BANK1: variants seen among roughly 807,000 people sequenced by gnomAD.
The protein encoded by BANK1 is B-cell scaffold protein with ankyrin repeats.
BANK1 carries 95 observed loss-of-function variants against 94.5 expected under a neutral mutation model. That is an observed-to-expected ratio of 1.00 (90% CI 0.85 to 1.19). The LOEUF is 1.19. BANK1 is among the 50% of genes most tolerant of loss of function. BANK1 has a pLI of 0.00. For missense variants in BANK1, 987 were observed against 932.2 expected, an observed-to-expected ratio of 1.06 and a Z score of -0.77; for synonymous variants, 334 against 308.4, an observed-to-expected ratio of 1.08 and a Z score of -0.87.
At chr4:101,944,037 T>TGAGAGA (rs1343414585) in intron 7 of BANK1, among the ~76,000 whole-genome samples, 6 of 148,058 alleles carry the variant, frequency 4.1e-5, no homozygotes, top group African/African-American at 1.5e-4. Context: ...TGTGTGTGTG[T>TGAGAGA]GTGAGAGAGA....
chr4:101,808,457 G>C (rs1725633672), intron 1 of BANK1, among the ~76,000 whole-genome samples: 2 of 152,096 alleles, frequency 1.3e-5, no homozygotes, highest in Non-Finnish European at 2.9e-5. Context: ...TGAACAGGAA[G>C]CAAAATATCT....
intron 8 of BANK1, 43 bp downstream of exon 8, chr4:102,021,635 A>C (rs772050963): frequency 2.6e-6 from 2 of 759,786 alleles, no homozygotes; most frequent in Non-Finnish European, 3.8e-6. Context: ...ATATTCATAT[A>C]TATATCACAT....
At chr4:101,987,553 A>G (rs1420809577) in intron 7 of BANK1, among the ~76,000 whole-genome samples, 1 of 152,156 alleles carries the variant, frequency 6.6e-6, no homozygotes, top group Non-Finnish European at 1.5e-5. Context: ...AATTAAGCTT[A>G]TCTCATTGGG....
intron 7 of BANK1, among the ~76,000 whole-genome samples, chr4:101,925,612 G>C (rs1327660080): frequency 6.6e-6 from 1 of 151,696 alleles, no homozygotes; most frequent in Non-Finnish European, 1.5e-5. Flanking sequence ...TAGGTAATTT[G>C]TTATCTTTTA....
chr4:101,838,211 G>GT (rs1560595185), intron 2 of BANK1, among the ~76,000 whole-genome samples: 2 of 152,016 alleles, frequency 1.3e-5, no homozygotes, highest in Non-Finnish European at 2.9e-5. Context: ...CACCCACCTC[G>GT]GCCTTCCAAA....
chr4:101,933,148 T>A (rs1723414125), intron 7 of BANK1, among the ~76,000 whole-genome samples: 1 of 151,366 alleles, frequency 6.6e-6, no homozygotes, highest in Admixed American at 6.6e-5. Flanking sequence ...ACTTAGCAAA[T>A]GGCTATTTTG....
chr4:101,853,979 A>G (rs556915517), intron 2 of BANK1, among the ~76,000 whole-genome samples: 177 of 152,242 alleles, frequency 1.2e-3, no homozygotes, highest in Non-Finnish European at 1.0e-3. Flanking sequence ...CTCTTGGTTC[A>G]TCATGGTGAC....
Position 102,071,279 on chromosome 4 carries a change from ACT to A in BANK1, c.2219_2220del (p.Leu740HisfsTer9). ...RPEEENVYNK[L>X]TIVHHPGGKE... ...ATGCTTTTTTTTGTCTTCCAGATAA[ACT>A]CACCATTGTGCACCATCCAGGTGGT... On this transcript the variant is annotated frameshift_variant, in exon 14 of 17. Transcript: ENST00000322953. LOFTEE classifies it high-confidence loss of function. The A allele has an allele frequency of 6.2e-7, 1 of 1,613,896 alleles. No homozygotes were observed. The highest frequency in any genetic ancestry group is 8.5e-7 in the Non-Finnish European group (1 of 1,179,868).
At chr4:101,852,557 T>C (rs1021157304) in intron 2 of BANK1, among the ~76,000 whole-genome samples, 3 of 147,340 alleles carry the variant, frequency 2.0e-5, no homozygotes, top group Non-Finnish European at 3.0e-5. Context: ...CTTTAATTCC[T>C]ACCACATAGC....
chr4:101,967,145 G>A (rs544768974), intron 7 of BANK1, among the ~76,000 whole-genome samples: 11 of 152,160 alleles, frequency 7.2e-5, no homozygotes, highest in Admixed American at 4.6e-4. Context: ...CAAAGGGGTC[G>A]CAGTTAAATG....
intron 7 of BANK1, among the ~76,000 whole-genome samples, chr4:101,955,825 C>G (rs1419192479): frequency 1.3e-5 from 2 of 152,108 alleles, no homozygotes; most frequent in Non-Finnish European, 2.9e-5. Context: ...CAAGTTCCAT[C>G]AATTAGCCAT....
At chr4:101,971,416 A>G (rs1435407150) in intron 7 of BANK1, among the ~76,000 whole-genome samples, 1 of 152,152 alleles carries the variant, frequency 6.6e-6, no homozygotes, top group Non-Finnish European at 1.5e-5. Flanking sequence ...AATAAGATGA[A>G]CATAGCTAGT....
chr4:101,909,558 A>C (rs555776464), intron 6 of BANK1, among the ~76,000 whole-genome samples: 26 of 152,148 alleles, frequency 1.7e-4, no homozygotes, highest in Non-Finnish European at 3.5e-4. Flanking sequence ...ACACACAAAA[A>C]AATGCCTTTA....
intron 7 of BANK1, among the ~76,000 whole-genome samples, chr4:101,955,914 G>T (rs930950703): frequency 1.3e-5 from 2 of 152,072 alleles, no homozygotes; most frequent in African/African-American, 2.4e-5. Flanking sequence ...ATATCTTGTT[G>T]TGGAGGTTAA....
In BANK1 at chr4:101,998,902, T is replaced by C. The variant is rs577274238; in HGVS notation, c.1207-22612T>C. On this transcript the variant is annotated intron_variant, in intron 7 of 16. Transcript: ENST00000322953. The stretch of plus-strand genomic sequence containing the variant: ...TCTCTGTTTCCTGGGTCCCATGTCC[T>C]ACTGCCTCCTAGTTTACTTTTGTAT... 1.6e-4 allele frequency among the ~76,000 whole-genome samples: 24 copies of C among 152,296 alleles called. No individual in the cohort carries two copies. In the South Asian group the frequency reaches 4.8e-3, roughly 30 times the overall value.
chr4:101,923,416 A>G (rs1246167761), intron 7 of BANK1, among the ~76,000 whole-genome samples: 1 of 151,730 alleles, frequency 6.6e-6, no homozygotes, highest in East Asian at 1.9e-4. Flanking sequence ...TGCTCTGTCA[A>G]AAGCCATAAA....
chr4:101,803,366 G>A (rs1055918801), intron 1 of BANK1, among the ~76,000 whole-genome samples: 1 of 152,068 alleles, frequency 6.6e-6, no homozygotes, highest in Non-Finnish European at 1.5e-5. Context: ...AGGGAAATTG[G>A]CATTGGTAGG....
chr4:101,936,323 A>G (rs1357438734), intron 7 of BANK1, among the ~76,000 whole-genome samples: 1 of 136,436 alleles, frequency 7.3e-6, no homozygotes, highest in Non-Finnish European at 1.6e-5. Context: ...ACACATATGT[A>G]TCCATACATA....
chr4:102,008,184 G>A (rs533877238), intron 7 of BANK1, among the ~76,000 whole-genome samples: 1 of 152,098 alleles, frequency 6.6e-6, no homozygotes, highest in Non-Finnish European at 1.5e-5. Flanking sequence ...GAATCCCAAT[G>A]CCCTAAATTA....
Sources: allele counts gnomAD v4.1 joint callset (sites outside exome capture counted in the v4.1 genomes callset), GRCh38; gene constraint gnomAD v4.1.1; transcripts MANE v1.5; gene names NCBI Gene and HGNC (gene_info 2026-07-23, HGNC 2026-07-21).